PRKN: variants seen among roughly 807,000 people sequenced by gnomAD.
The protein encoded by PRKN is parkin RBR E3 ubiquitin protein ligase, also known as E3 ubiquitin-protein ligase parkin.
A neutral mutation model predicts 59.5 loss-of-function variants in PRKN; 56 were observed. The ratio of observed to expected loss-of-function variants is 0.94; its 90% CI spans 0.76 to 1.18. The LOEUF (loss-of-function observed/expected upper bound fraction) is 1.18. PRKN is among the 50% of genes most tolerant of loss of function. The pLI, the probability that PRKN is intolerant of heterozygous loss-of-function variation, is 0.00. For missense variants in PRKN, 657 were observed against 596.4 expected (o/e 1.10, Z -1.06); for synonymous variants, 250 against 222.1 (o/e 1.13, Z -1.12).
chr6:162,390,402 C>T (rs952079923), intron 2 of PRKN, among the ~76,000 whole-genome samples: 1,574 of 101,846 alleles, frequency 0.015, 20 homozygotes, highest in African/African-American at 0.054. Context: ...TATATACACA[C>T]ACACACACAC....
At chr6:161,494,072 T>A (rs1777654653) in intron 9 of PRKN, among the ~76,000 whole-genome samples, 1 of 152,252 alleles carries the variant, frequency 6.6e-6, no homozygotes, top group Non-Finnish European at 1.5e-5. Context: ...GACAGCACTG[T>A]ATGATTTAGT....
At chr6:162,040,572 A>ATTTTTTTTTTTT (rs35272845) in intron 5 of PRKN, among the ~76,000 whole-genome samples, 2 of 113,082 alleles carry the variant, frequency 1.8e-5, no homozygotes, top group East Asian at 2.6e-4. Flanking sequence ...ATGCCCGGCT[A>ATTTTTTTTTTTT]TTTTTTTTTT....
At chr6:161,615,683 G>A (rs933049308) in intron 7 of PRKN, among the ~76,000 whole-genome samples, 1 of 152,224 alleles carries the variant, frequency 6.6e-6, no homozygotes, top group South Asian at 2.1e-4. Context: ...GGGGTCATGT[G>A]ATACAACCGT....
intron 2 of PRKN, among the ~76,000 whole-genome samples, chr6:162,435,296 T>C (rs1789716569): frequency 1.3e-5 from 2 of 152,124 alleles, no homozygotes; most frequent in South Asian, 4.1e-4. Flanking sequence ...GCCTATTAAA[T>C]GAATCCACAG....
At chr6:162,502,280 C>T (rs1274853002) in intron 1 of PRKN, among the ~76,000 whole-genome samples, 1 of 152,180 alleles carries the variant, frequency 6.6e-6, no homozygotes, top group Non-Finnish European at 1.5e-5. Context: ...CCTGTCTCAA[C>T]CTCTGAAGTA....
At chr6:162,572,689 A>T (rs971955134) in intron 1 of PRKN, among the ~76,000 whole-genome samples, 4 of 152,234 alleles carry the variant, frequency 2.6e-5, no homozygotes, top group Non-Finnish European at 5.9e-5. Context: ...CTATTGAAAG[A>T]AAGCATTAAA....
intron 2 of PRKN, among the ~76,000 whole-genome samples, chr6:162,351,361 C>T (rs1487394766): frequency 6.6e-6 from 1 of 152,078 alleles, no homozygotes; most frequent in Non-Finnish European, 1.5e-5. Flanking sequence ...TAGGAAAATG[C>T]AAATTAAGAC....
At chr6:162,597,411 T>C (rs376279926) in intron 1 of PRKN, among the ~76,000 whole-genome samples, 17 of 152,318 alleles carry the variant, frequency 1.1e-4, no homozygotes, top group African/African-American at 3.8e-4. Context: ...ATGGCATAAC[T>C]GTTTCATATC....
In PRKN at chr6:161,547,419, T is replaced by C. The variant is rs1779835858; in HGVS notation, c.1083+1435A>G. Among the ~76,000 whole-genome samples the C allele has an allele frequency of 6.6e-6, 1 of 152,188 alleles. No individual in the cohort carries two copies. The highest frequency in any genetic ancestry group is 2.1e-4 in the South Asian group (1 of 4,834). On this transcript the variant is annotated intron_variant, in intron 9 of 11. Transcript: ENST00000366898. This position sits in a 1 kb window ranked among gnomAD's most constrained non-coding sequence, Gnocchi z 4.0. ...ATTTACTTGTATAAAAAAGGGAAGA[T>C]AAAGATATTCAAGATTTCACATTAC...
At position 161,785,775 on chromosome 6, in the gene PRKN, C is replaced by T; in HGVS notation, c.868G>A (p.Val290Met). 6.2e-7 allele frequency: 1 copy of T among 1,613,952 alleles called. No individual in the cohort carries two copies. Among genetic ancestry groups the T allele is most frequent in the Non-Finnish European group, 8.5e-7 (1 of 1,179,946 alleles). Residue 290 changes from valine to methionine, a missense_variant, in exon 7 of 12, where the codon GTG (valine) becomes ATG (methionine). Val to Met is a conservative substitution (Grantham distance 21). Transcript: ENST00000366898. ...AGAGAAAACATGCTAGACTTACCCA[C>T]ACAAGGCAGGGAGTAGCCAAGTTGA... ...DPQLGYSLPCVAGCPNSLIKE... is the reference protein window; with the variant it reads ...DPQLGYSLPCMAGCPNSLIKE...
rs2115161796 is a variant in PRKN at position 161,460,585 on chromosome 6, A to G, written c.1084-73708T>C. Among the ~76,000 whole-genome samples the G allele has an allele frequency of 6.6e-6, 1 of 152,190 alleles. No homozygotes were observed. Among genetic ancestry groups the G allele is most frequent in the South Asian group, 2.1e-4 (1 of 4,824 alleles). On this transcript the variant is annotated intron_variant, in intron 9 of 11. Coordinates refer to ENST00000366898, the MANE Select transcript of PRKN (RefSeq NM_004562.3). The surrounding 1 kb of genome is among the most constrained non-coding windows in gnomAD (Gnocchi z 5.0). ...CTGGGGTAGAAGCCCCAGGTGCCAC[A>G]TGTGCTGGCAGGAGTTCCGGGGGCA...
At chr6:162,164,814 T>C (rs765705546) in intron 4 of PRKN, among the ~76,000 whole-genome samples, 1 of 148,556 alleles carries the variant, frequency 6.7e-6, no homozygotes, top group Non-Finnish European at 1.5e-5. Context: ...CCAAGTTTAC[T>C]AGGACACTAG....
At chr6:161,969,402 G>A (rs891425469) in intron 6 of PRKN, among the ~76,000 whole-genome samples, 2 of 152,076 alleles carry the variant, frequency 1.3e-5, no homozygotes, top group African/African-American at 4.8e-5. Context: ...GAAAGGGATG[G>A]AGCCTTGGGA....
chr6:162,131,039 C>T (rs946941671), intron 4 of PRKN, among the ~76,000 whole-genome samples: 9 of 152,272 alleles, frequency 5.9e-5, no homozygotes, highest in South Asian at 4.1e-4. Context: ...ATTTCATTCA[C>T]AATCATTTCT....
intron 2 of PRKN, among the ~76,000 whole-genome samples, chr6:162,436,918 C>T (rs1789800032): frequency 6.6e-6 from 1 of 151,706 alleles, no homozygotes; most frequent in Non-Finnish European, 1.5e-5. Flanking sequence ...ATGGTGAAAC[C>T]CCGTCTCTAC....
At chr6:162,135,196 G>T (rs1284886564) in intron 4 of PRKN, among the ~76,000 whole-genome samples, 1 of 150,600 alleles carries the variant, frequency 6.6e-6, no homozygotes, top group Non-Finnish European at 1.5e-5. Context: ...GAGTGCAGTG[G>T]CCTGATCATA....
At chr6:161,791,987 A>G (rs928472601) in intron 6 of PRKN, among the ~76,000 whole-genome samples, 17 of 152,214 alleles carry the variant, frequency 1.1e-4, no homozygotes, top group African/African-American at 4.1e-4. Context: ...GCGAGCAGCC[A>G]TGTTGGGAGG....
chr6:162,299,411 C>A (rs1781837803), intron 2 of PRKN, among the ~76,000 whole-genome samples: 2 of 152,064 alleles, frequency 1.3e-5, no homozygotes, highest in South Asian at 4.1e-4. Context: ...GAACACTATT[C>A]TTTTCTCCCT....
chr6:161,689,185 T>TACACACACAC (rs34193135), intron 7 of PRKN, among the ~76,000 whole-genome samples: 142 of 144,296 alleles, frequency 9.8e-4, no homozygotes, highest in Admixed American at 4.4e-3. Flanking sequence ...AATTAAATTG[T>TACACACACAC]ACACACACAC....
Sources: allele counts gnomAD v4.1 joint callset (sites outside exome capture counted in the v4.1 genomes callset), GRCh38; gene constraint gnomAD v4.1.1; non-coding constraint Gnocchi (gnomAD v3.1); transcripts MANE v1.5; gene names NCBI Gene and HGNC (gene_info 2026-07-23, HGNC 2026-07-21).